FAM117B: variants seen among roughly 807,000 people sequenced by gnomAD.
FAM117B encodes the protein family with sequence similarity 117 member B.
Under a neutral mutation model 52.8 loss-of-function variants are expected in FAM117B, and 22 were observed. The ratio of observed to expected loss-of-function variants is 0.42; its 90% confidence interval spans 0.30 to 0.59. FAM117B has a LOEUF of 0.59. FAM117B is among the 20% of genes least tolerant of loss of function. The pLI is 0.22. For missense variants in FAM117B, 678 were observed against 802.6 expected (o/e 0.84, Z 1.88); for synonymous variants, 309 against 324.1 (o/e 0.95, Z 0.50).
At chr2:202,728,329 A>G (rs956502077) in intron 4 of FAM117B, among the ~76,000 whole-genome samples, 4 of 152,056 alleles carry the variant, frequency 2.6e-5, no homozygotes, top group African/African-American at 4.8e-5. Context: ...ACTTTTTTCT[A>G]TATTTGATAT....
chr2:202,645,283 CT>C (rs538990959), intron 1 of FAM117B, among the ~76,000 whole-genome samples: 126 of 138,138 alleles, frequency 9.1e-4, no homozygotes, highest in Non-Finnish European at 8.4e-4. Flanking sequence ...TTTTTTCTTT[CT>C]TTTTTTTTTT....
chr2:202,758,271 G>A, intron 6 of FAM117B, among the ~76,000 whole-genome samples: 1 of 152,204 alleles, frequency 6.6e-6, no homozygotes, highest in East Asian at 1.9e-4. Context: ...ACGATTCACT[G>A]AAGAAGTTAC....
chr2:202,671,325 C>T (rs1690296178), intron 1 of FAM117B, among the ~76,000 whole-genome samples: 1 of 152,136 alleles, frequency 6.6e-6, no homozygotes, highest in African/African-American at 2.4e-5. Flanking sequence ...AGTAGTATAC[C>T]ACACTGGGCA....
intron 4 of FAM117B, among the ~76,000 whole-genome samples, chr2:202,751,697 G>A (rs1448349076): frequency 1.3e-5 from 2 of 149,376 alleles, no homozygotes; most frequent in Admixed American, 6.8e-5. Context: ...ACTTGAACCC[G>A]GGAGGCTGTG....
At position 202,672,523 on chromosome 2, in the gene FAM117B, TTTTTTA is replaced by T. The variant is rs566102283; in HGVS notation, c.602-23350_602-23345del. Among the ~76,000 whole-genome samples the T allele has an allele frequency of 4.6e-5, 7 of 152,306 alleles. No homozygotes were observed. The East Asian group carries it at 1.4e-3, about 29-fold the overall frequency. The stretch of plus-strand genomic sequence containing the variant: ...GCCACTGCACCTGGCACTATTTTCT[TTTTTTA>T]TTTTTATCTCACTATTTCCTTTTAC... On this transcript the variant is annotated intron_variant, in intron 1 of 7. Transcript: ENST00000392238.
chr2:202,697,576 A>G (rs1469962047), intron 2 of FAM117B, among the ~76,000 whole-genome samples: 1 of 148,960 alleles, frequency 6.7e-6, no homozygotes, highest in Non-Finnish European at 1.5e-5. Context: ...CCTGAGATAG[A>G]ATCTCGCTGT....
rs561232278 is a variant in FAM117B at position 202,732,269 on chromosome 2, G to A, written c.960+5906G>A. Among the ~76,000 whole-genome samples, 10 of 152,232 alleles carry A rather than the reference G, an allele frequency of 6.6e-5. No homozygotes were observed. The South Asian group carries it at 2.1e-3, about 32-fold the overall frequency. ...GTGGCAGTTCCTCAAAAGATTAAAC[G>A]TGGAATTGCCAAATGGCCCGGCACT... On this transcript the variant is annotated intron_variant, in intron 4 of 7. Coordinates refer to ENST00000392238, the MANE Select transcript of FAM117B (RefSeq NM_173511.4).
chr2:202,646,252 C>T (rs753207570), intron 1 of FAM117B, among the ~76,000 whole-genome samples: 3 of 152,216 alleles, frequency 2.0e-5, no homozygotes, highest in African/African-American at 7.2e-5. Flanking sequence ...CTCAAGTGAT[C>T]CGCCTGTCTC....
chr2:202,691,650 TGTGTGTG>T (rs1162529916), intron 1 of FAM117B, among the ~76,000 whole-genome samples: 5 of 21,928 alleles, frequency 2.3e-4, no homozygotes, highest in African/African-American at 3.9e-4. Flanking sequence ...CAGTTTACAT[TGTGTGTG>T]TGTGTGTGTG....
chr2:202,746,607 C>T lies in FAM117B; in HGVS notation c.961-8931C>T, dbSNP rs141871171. On this transcript the variant is annotated intron_variant, in intron 4 of 7. Coordinates refer to ENST00000392238, the MANE Select transcript of FAM117B (RefSeq NM_173511.4). ...TAGAAGAAAGATTATTAAAGATAAGCGTGAACAACTATACACTAACAAATT... is the reference window on the plus strand; with the variant it reads ...TAGAAGAAAGATTATTAAAGATAAGTGTGAACAACTATACACTAACAAATT... Among the ~76,000 whole-genome samples the T allele has an allele frequency of 1.3e-3, 195 of 151,860 alleles. 1 individual carries two copies. The highest frequency in any genetic ancestry group is 4.4e-3 in the African/African-American group (181 of 41,450).
intron 1 of FAM117B, among the ~76,000 whole-genome samples, chr2:202,663,392 G>A (rs1690159606): frequency 6.6e-6 from 1 of 152,106 alleles, no homozygotes; most frequent in Admixed American, 6.5e-5. Flanking sequence ...TAGTGTTATT[G>A]TGCTACATTT....
chr2:202,638,572 AAAATAAAT>A (rs72409125), intron 1 of FAM117B, among the ~76,000 whole-genome samples: 10 of 151,850 alleles, frequency 6.6e-5, no homozygotes, highest in African/African-American at 2.2e-4. Flanking sequence ...CTCCCCTATC[AAAATAAAT>A]AAATAAATAA....
At chr2:202,670,246 GC>G (rs1690269673) in intron 1 of FAM117B, among the ~76,000 whole-genome samples, 1 of 152,000 alleles carries the variant, frequency 6.6e-6, no homozygotes, top group African/African-American at 2.4e-5. Flanking sequence ...GACACATCAA[GC>G]TTCTGTCCTC....
At chr2:202,750,514 A>G (rs1004537364) in intron 4 of FAM117B, among the ~76,000 whole-genome samples, 1 of 152,164 alleles carries the variant, frequency 6.6e-6, no homozygotes, top group African/African-American at 2.4e-5. Flanking sequence ...CCCTGTCTCA[A>G]ACAACAACAA....
At chr2:202,736,286 A>G (rs1183253321) in intron 4 of FAM117B, among the ~76,000 whole-genome samples, 7 of 152,208 alleles carry the variant, frequency 4.6e-5, no homozygotes, top group Admixed American at 2.0e-4. Flanking sequence ...ATATAACTGC[A>G]GCTTGGAAGA....
At chr2:202,715,812 G>A (rs1161487751) in intron 2 of FAM117B, among the ~76,000 whole-genome samples, 1 of 152,274 alleles carries the variant, frequency 6.6e-6, no homozygotes, top group African/African-American at 2.4e-5. Flanking sequence ...GAGTGAATGA[G>A]ACTCCGTCTG....
At chr2:202,648,576 CGTGT>C (rs1689906627) in intron 1 of FAM117B, among the ~76,000 whole-genome samples, 1 of 132,522 alleles carries the variant, frequency 7.5e-6, no homozygotes, top group Admixed American at 9.3e-5. Flanking sequence ...TGTGTGTGTG[CGTGT>C]ATGTCGTTGT....
chr2:202,676,440 C>T (rs575150563), intron 1 of FAM117B, among the ~76,000 whole-genome samples: 2 of 150,366 alleles, frequency 1.3e-5, no homozygotes, highest in Non-Finnish European at 2.9e-5. Flanking sequence ...ATTGCAGTGG[C>T]GCTATCTCAG....
At position 202,745,977 on chromosome 2, in the gene FAM117B, A is replaced by G. The variant is rs577203484; in HGVS notation, c.961-9561A>G. Among the ~76,000 whole-genome samples the G allele has an allele frequency of 3.9e-5, 6 of 152,328 alleles. No individual in the cohort carries two copies. In the South Asian group the frequency reaches 1.2e-3, roughly 32 times the overall value. On this transcript the variant is annotated intron_variant, in intron 4 of 7. Transcript: ENST00000392238. ...ACAGTGTTAGAGCTTAAAGAGAGAA[A>G]TAGACCCCAATGCAATAATAGTTGG...
Sources: allele counts gnomAD v4.1 joint callset (sites outside exome capture counted in the v4.1 genomes callset), GRCh38; gene constraint gnomAD v4.1.1; transcripts MANE v1.5; gene names NCBI Gene and HGNC (gene_info 2026-07-23, HGNC 2026-07-21).